ATP10B: variants seen among roughly 807,000 people sequenced by gnomAD.
ATP10B encodes the protein ATPase phospholipid transporting 10B (putative), also known as phospholipid-transporting ATPase VB.
Under a neutral mutation model 141.2 loss-of-function variants are expected in ATP10B, and 122 were observed. The observed-to-expected ratio is 0.86, with a 90% CI of 0.75 to 1.00. ATP10B has a LOEUF of 1.00. ATP10B is among the 50% of genes least tolerant of loss of function. ATP10B has a pLI of 0.00. For missense variants in ATP10B, 1,876 were observed against 1,825.3 expected (o/e 1.03, Z -0.51); for synonymous variants, 685 against 692.0 (o/e 0.99, Z 0.16).
chr5:160,891,003 G>A, the ATP10B span, among the ~76,000 whole-genome samples: 9 of 25,198 alleles, frequency 3.6e-4, 1 homozygote, highest in South Asian at 3.7e-3. Flanking sequence ...ATGTGTGTGC[G>A]TGTGTGTGTG....
chr5:160,923,521 C>T, the ATP10B span, among the ~76,000 whole-genome samples: 1 of 152,198 alleles, frequency 6.6e-6, no homozygotes, highest in African/African-American at 2.4e-5. Context: ...TAAATGTGTG[C>T]AGAGCTGACC....
At chr5:160,677,006 T>C (rs1763073267) in intron 6 of ATP10B, among the ~76,000 whole-genome samples, 2 of 152,140 alleles carry the variant, frequency 1.3e-5, no homozygotes, top group African/African-American at 2.4e-5. Context: ...ATGAAGCTGA[T>C]TGAGCCTCAG....
the ATP10B span, among the ~76,000 whole-genome samples, chr5:160,872,071 G>A: frequency 6.6e-6 from 1 of 151,820 alleles, no homozygotes; most frequent in African/African-American, 2.4e-5. Flanking sequence ...TTTGATTCTT[G>A]AATTATGGCC....
At chr5:160,798,744 ATTTTTTTTTTTTTT>A (rs35866347) in intron 1 of ATP10B, among the ~76,000 whole-genome samples, 1 of 102,502 alleles carries the variant, frequency 9.8e-6, no homozygotes, top group Non-Finnish European at 1.9e-5. Flanking sequence ...CTTTTTCTCT[ATTTTTTTTTTTTTT>A]TTTTTTTTTT....
chr5:160,903,068 C>G, the ATP10B span, among the ~76,000 whole-genome samples: 1 of 152,272 alleles, frequency 6.6e-6, no homozygotes, highest in South Asian at 2.1e-4. Flanking sequence ...TTAACAACAA[C>G]AGTGAATGGC....
intron 11 of ATP10B, 119 bp from the exon 12 acceptor site, chr5:160,634,725 C>T (rs1759227686): frequency 4.5e-6 from 5 of 1,104,084 alleles, no homozygotes; most frequent in Admixed American, 2.9e-5. Flanking sequence ...AGGACAGACT[C>T]TCTGTGAAAT....
In ATP10B at chr5:160,598,844, C is replaced by T. The variant is rs1215792713; in HGVS notation, c.3490G>A (p.Val1164Ile). The T allele has an allele frequency of 6.2e-6, 10 of 1,613,996 alleles. No homozygotes were observed. In the East Asian group the frequency reaches 8.9e-5, roughly 14 times the overall value. ...TCTGCAGAGATGTCTTTGTCAAGGACTCCAAAGACAAGAGGAGGCAAGGAG... is the reference window on the plus strand; with the variant it reads ...TCTGCAGAGATGTCTTTGTCAAGGATTCCAAAGACAAGAGGAGGCAAGGAG... ...FTSLPPLVFG[V>I]LDKDISAETL... The change falls in exon 22 of 26, where the codon GTC (valine) becomes ATC (isoleucine). Residue 1164 changes from valine to isoleucine, a missense_variant. Coordinates refer to ENST00000327245, the MANE Select transcript of ATP10B (RefSeq NM_025153.3).
At chr5:160,615,995 C>T (rs1307615959) in intron 16 of ATP10B, 31 bp from the exon 17 acceptor site, 1 of 1,590,286 alleles carries the variant, frequency 6.3e-7, no homozygotes, top group South Asian at 1.1e-5. Context: ...CCTTAACAAT[C>T]TTGGGTGGAC....
chr5:160,652,942 T>C (rs560035894), intron 7 of ATP10B, among the ~76,000 whole-genome samples: 7 of 83,006 alleles, frequency 8.4e-5, no homozygotes, highest in African/African-American at 3.8e-4. Flanking sequence ...TATACATGTA[T>C]ATATAATATA....
At chr5:160,908,738 T>C in the ATP10B span, among the ~76,000 whole-genome samples, 1 of 152,210 alleles carries the variant, frequency 6.6e-6, no homozygotes, top group African/African-American at 2.4e-5. Flanking sequence ...ATTGTGGTTA[T>C]CATCATGATA....
At chr5:160,859,151 T>C in the ATP10B span, among the ~76,000 whole-genome samples, 22 of 152,072 alleles carry the variant, frequency 1.4e-4, no homozygotes, top group Non-Finnish European at 2.8e-4. Context: ...ATGTCTTTTA[T>C]TTCCCCCTTT....
At chr5:160,881,283 G>A in the ATP10B span, among the ~76,000 whole-genome samples, 1 of 152,142 alleles carries the variant, frequency 6.6e-6, no homozygotes, top group Admixed American at 6.5e-5. Flanking sequence ...TCCATTGAAT[G>A]ACAACACCAA....
chr5:160,899,881 A>G, the ATP10B span, among the ~76,000 whole-genome samples: 112,611 of 151,976 alleles, frequency 0.74, 43,158 homozygotes, highest in East Asian at 0.98. Flanking sequence ...CCAGAGTGTG[A>G]GACAGCTGCC....
chr5:160,922,874 C>T, the ATP10B span, among the ~76,000 whole-genome samples: 1 of 152,210 alleles, frequency 6.6e-6, no homozygotes, highest in African/African-American at 2.4e-5. Flanking sequence ...ATTCAGCTGT[C>T]CCCACATATA....
At chr5:160,664,534 G>A (rs891981085) in intron 7 of ATP10B, among the ~76,000 whole-genome samples, 5 of 152,158 alleles carry the variant, frequency 3.3e-5, no homozygotes, top group Non-Finnish European at 5.9e-5. Flanking sequence ...TGATTATTAC[G>A]TTGATTATTG....
chr5:160,577,007 G>C (rs1755235527), intron 24 of ATP10B, among the ~76,000 whole-genome samples: 1 of 152,220 alleles, frequency 6.6e-6, no homozygotes, highest in Non-Finnish European at 1.5e-5. Context: ...ACCTCAGCTG[G>C]AATGCTGATC....
intron 2 of ATP10B, among the ~76,000 whole-genome samples, chr5:160,722,923 A>C (rs1056589788): frequency 3.3e-5 from 5 of 152,212 alleles, no homozygotes; most frequent in African/African-American, 1.2e-4. Context: ...CATTGATTTC[A>C]GCTTCATACA....
chr5:160,787,142 ACACACACATT>A (rs1474200299), intron 1 of ATP10B, among the ~76,000 whole-genome samples: 3 of 146,532 alleles, frequency 2.0e-5, no homozygotes, highest in African/African-American at 7.9e-5. Context: ...ACACACACAC[ACACACACATT>A]ATTTGAACTA....
the ATP10B span, among the ~76,000 whole-genome samples, chr5:160,916,397 GT>G: frequency 4.0e-5 from 6 of 151,898 alleles, no homozygotes; most frequent in South Asian, 2.1e-4. Flanking sequence ...GGCAAAAGAT[GT>G]TTTTTTTGTA....
Sources: gnomAD v4.1 joint callset for allele counts (sites outside exome capture counted in the v4.1 genomes callset) on GRCh38, gnomAD v4.1.1 for gene constraint, MANE v1.5 for transcripts, NCBI Gene and HGNC (gene_info 2026-07-23, HGNC 2026-07-21) for gene names.